Variants in TCF20 observed in about 807,000 individuals in gnomAD.
TCF20 encodes transcription factor 20.
A neutral mutation model predicts 148.6 loss-of-function variants in TCF20; 3 were observed. The ratio of observed to expected loss-of-function variants is 0.02; its 90% confidence interval spans 0.01 to 0.05. The LOEUF (loss-of-function observed/expected upper bound fraction) is 0.05. TCF20 is among the 10% of genes least tolerant of loss of function. TCF20 has a pLI of 1.00. For missense variants in TCF20, 2,350 were observed against 2,429.3 expected (o/e 0.97, Z 0.69); for synonymous variants, 1,049 against 909.5 (o/e 1.15, Z -2.76).
chr22:42,256,384 GT>G (rs1361523351), intron 1 of TCF20, among the ~76,000 whole-genome samples: 3 of 151,202 alleles, frequency 2.0e-5, no homozygotes, highest in Admixed American at 1.3e-4. Context: ...TCTCTGATGT[GT>G]TTCATTCCCA....
intron 2 of TCF20, among the ~76,000 whole-genome samples, chr22:42,187,188 C>A (rs1237872779): frequency 6.6e-6 from 1 of 152,204 alleles, no homozygotes; most frequent in African/African-American, 2.4e-5. Flanking sequence ...TGGTACTATT[C>A]CTTACAACAC....
intron 2 of TCF20, among the ~76,000 whole-genome samples, chr22:42,209,081 A>G (rs1019273584): frequency 3.3e-5 from 5 of 152,212 alleles, no homozygotes; most frequent in Non-Finnish European, 5.9e-5. Flanking sequence ...ACAGTGAGAG[A>G]AAAATCACTT....
intron 1 of TCF20, among the ~76,000 whole-genome samples, chr22:42,281,961 C>G (rs901528235): frequency 2.6e-5 from 4 of 152,226 alleles, no homozygotes; most frequent in Admixed American, 1.3e-4. Context: ...GAGACAGACC[C>G]ACGTCTGTGT....
chr22:42,235,177 T>A (rs1324884723), intron 1 of TCF20, among the ~76,000 whole-genome samples: 1 of 151,216 alleles, frequency 6.6e-6, no homozygotes, highest in Non-Finnish European at 1.5e-5. Flanking sequence ...TAAATGTCTG[T>A]CGCTCTAGAC....
At position 42,160,999 on chromosome 22, in the gene TCF20, A is replaced by T; in HGVS notation, c.*404T>A. The T allele has an allele frequency of 4.7e-6, 1 of 214,758 alleles. No homozygotes were observed. Among genetic ancestry groups the T allele is most frequent in the Non-Finnish European group, 9.2e-6 (1 of 108,990 alleles). The allele number at this position is 214,758 out of a possible 1,614,324, so 13.3% of individuals were successfully genotyped here. ...AACGAGATAATTTTAAAACAGAATCAAAAGGGATAGCGCACCTTTCATTTA... is the reference window on the plus strand; with the variant it reads ...AACGAGATAATTTTAAAACAGAATCTAAAGGGATAGCGCACCTTTCATTTA... On this transcript the variant is annotated 3_prime_UTR_variant, in exon 6 of 6. Coordinates refer to ENST00000677622, the MANE Select transcript of TCF20 (RefSeq NM_001378418.1).
intron 1 of TCF20, among the ~76,000 whole-genome samples, chr22:42,246,541 G>A (rs1256567142): frequency 2.6e-5 from 4 of 152,118 alleles, no homozygotes; most frequent in Admixed American, 6.6e-5. Context: ...CCTTTTTCTC[G>A]TACGTGTTTT....
chr22:42,168,578 G>C, intron 5 of TCF20, 31 bp downstream of exon 5: 1 of 1,542,464 alleles, frequency 6.5e-7, no homozygotes, highest in African/African-American at 1.4e-5. Context: ...GAGCCGGGCA[G>C]GATGCAGGGA....
At chr22:42,183,196 C>A (rs1936864320) in intron 2 of TCF20, among the ~76,000 whole-genome samples, 1 of 152,148 alleles carries the variant, frequency 6.6e-6, no homozygotes, top group Admixed American at 6.5e-5. Context: ...ACTGGGTGAG[C>A]TAGGATTACT....
intron 5 of TCF20, among the ~76,000 whole-genome samples, chr22:42,161,691 G>A (rs1935469794): frequency 6.6e-6 from 1 of 152,250 alleles, no homozygotes; most frequent in Non-Finnish European, 1.5e-5. Flanking sequence ...CACTTGTGGG[G>A]CAGCTGGTGG....
At chr22:42,197,885 G>A (rs1258086838) in intron 2 of TCF20, among the ~76,000 whole-genome samples, 2 of 152,184 alleles carry the variant, frequency 1.3e-5, no homozygotes, top group African/African-American at 4.8e-5. Context: ...TGCCACTGAG[G>A]TAGCAGTAAA....
intron 1 of TCF20, among the ~76,000 whole-genome samples, chr22:42,305,980 G>T (rs763795635): frequency 6.6e-6 from 1 of 152,196 alleles, no homozygotes; most frequent in Non-Finnish European, 1.5e-5. Context: ...GGCTGGCATT[G>T]GCTGAGCCTC....
chr22:42,296,939 A>G (rs1293183926), intron 1 of TCF20, among the ~76,000 whole-genome samples: 1 of 152,224 alleles, frequency 6.6e-6, no homozygotes, highest in Non-Finnish European at 1.5e-5. Flanking sequence ...CACTCACTCC[A>G]TGCCAGGTGC....
At chr22:42,293,020 C>A (rs1288718580) in intron 1 of TCF20, among the ~76,000 whole-genome samples, 1 of 151,922 alleles carries the variant, frequency 6.6e-6, no homozygotes, top group Non-Finnish European at 1.5e-5. Flanking sequence ...AGCTCTGGGG[C>A]AAGGCAGGGC....
At position 42,169,647 on chromosome 22, in the gene TCF20, C is replaced by T. The variant is rs530497352; in HGVS notation, c.5799+200G>A. On this transcript the variant is annotated intron_variant, in intron 4 of 5. Transcript: ENST00000677622. ...TTCTCCTGGGATCCTCATAATACTC[C>T]GAGTGCTGGCCCCCATGCCACGGGT... is the stretch of plus-strand genomic sequence containing the variant. 6.6e-5 allele frequency among the ~76,000 whole-genome samples: 10 copies of T among 152,312 alleles called. No individual in the cohort carries two copies. The South Asian group carries it at 1.4e-3, about 22-fold the overall frequency.
upstream of TCF20, among the ~76,000 whole-genome samples, chr22:42,284,718 G>A (rs1276748294): frequency 6.6e-6 from 1 of 152,206 alleles, no homozygotes; most frequent in African/African-American, 2.4e-5. Context: ...AGCAAGAGGA[G>A]GCCTGGCCTG....
At chr22:42,281,890 C>T (rs73886009) in intron 1 of TCF20, among the ~76,000 whole-genome samples, 467 of 152,244 alleles carry the variant, frequency 3.1e-3, no homozygotes, top group African/African-American at 0.011. Context: ...AGAGGGGAGG[C>T]CTTAAGTGTC....
chr22:42,231,031 G>A (rs922778677), intron 1 of TCF20, among the ~76,000 whole-genome samples: 2 of 151,846 alleles, frequency 1.3e-5, no homozygotes, highest in Non-Finnish European at 2.9e-5. Flanking sequence ...GTGTAATGGC[G>A]TGTGCCTGTA....
At chr22:42,295,501 T>G (rs1453097419) in intron 1 of TCF20, among the ~76,000 whole-genome samples, 2 of 150,572 alleles carry the variant, frequency 1.3e-5, no homozygotes, top group African/African-American at 4.9e-5. Flanking sequence ...TGGAGTGCAA[T>G]GGCACAATCT....
At position 42,297,369 on chromosome 22, in the gene TCF20, G is replaced by A. The variant is rs1927255450; in HGVS notation, c.-37+46110C>T. ...GTCATATTCATGGAGCGGCAAGAAT[G>A]AGGAGTGGGTCCTCATTTGCATTAG... On this transcript the variant is annotated intron_variant, in intron 1 of 1. Coordinates refer to the TCF20 transcript ENST00000515426. This position sits in a 1 kb window ranked among gnomAD's most constrained non-coding sequence, Gnocchi z 4.3. Among the ~76,000 whole-genome samples, 7 of 152,254 alleles carry A rather than the reference G, an allele frequency of 4.6e-5. No individual in the cohort carries two copies. The highest frequency in any genetic ancestry group is 4.6e-4 in the Admixed American group (7 of 15,292).
Sources: allele counts gnomAD v4.1 joint callset (sites outside exome capture counted in the v4.1 genomes callset), GRCh38; gene constraint gnomAD v4.1.1; non-coding constraint Gnocchi (gnomAD v3.1); transcripts MANE v1.5; gene names NCBI Gene and HGNC (gene_info 2026-07-23, HGNC 2026-07-21).